Variants in RIT2 observed in about 807,000 individuals in gnomAD.
The protein encoded by RIT2 is GTP-binding protein Rit2.
A neutral mutation model predicts 23.7 loss-of-function variants in RIT2; 24 were observed. The observed-to-expected ratio is 1.01, with a 90% CI of 0.73 to 1.43. The LOEUF (loss-of-function observed/expected upper bound fraction) is 1.43. Among genes scored for constraint, RIT2 ranks in the 40% most tolerant of loss-of-function variants. RIT2 has a pLI of 0.00. For synonymous variants in RIT2, 107 were observed against 91.1 expected (o/e 1.17, Z -0.99); for missense variants, 236 against 266.9 (o/e 0.88, Z 0.81).
rs201592243 is a variant in RIT2 at position 42,923,662 on chromosome 18, C to T, written c.336G>A (p.Lys112=). The T allele has an allele frequency of 6.2e-7, 1 of 1,613,324 alleles. No homozygotes were observed. Among genetic ancestry groups the T allele is most frequent in the African/African-American group, 1.3e-5 (1 of 74,862 alleles). The change falls in exon 4 of 5, where the codon AAG becomes AAA. Residue 112 remains lysine, a synonymous_variant. Transcript: ENST00000326695. ...GGACCTGAAAAATGAGCTCTTTAAA[C>T]TTGGCAGCCTCCTGAAATGATTGAC... ...TDRQSFQEAA[K]FKELIFQVRH...
At chr18:42,882,227 G>A (rs1378729922) in intron 4 of RIT2, among the ~76,000 whole-genome samples, 1 of 152,172 alleles carries the variant, frequency 6.6e-6, no homozygotes, top group African/African-American at 2.4e-5. Context: ...TATCAAATTA[G>A]AGTCAGTGCT....
At chr18:42,889,166 G>A (rs1908106437) in intron 4 of RIT2, among the ~76,000 whole-genome samples, 2 of 151,842 alleles carry the variant, frequency 1.3e-5, no homozygotes, top group Admixed American at 1.3e-4. Flanking sequence ...ATATAAATAA[G>A]TTAACATATA....
At chr18:43,012,745 CT>C (rs5824465) in intron 2 of RIT2, among the ~76,000 whole-genome samples, 144,726 of 151,604 alleles carry the variant, frequency 0.95, 69,430 homozygotes, top group East Asian at 1. Context: ...TTTATAAAGT[CT>C]TGCACATATA....
intron 4 of RIT2, among the ~76,000 whole-genome samples, chr18:42,858,816 T>C (rs141580202): frequency 5.9e-5 from 9 of 152,220 alleles, no homozygotes; most frequent in African/African-American, 7.2e-5. Context: ...ATGTGGTCTT[T>C]TATGTCTGTA....
At chr18:42,907,988 C>A (rs1199942016) in intron 4 of RIT2, among the ~76,000 whole-genome samples, 5 of 150,610 alleles carry the variant, frequency 3.3e-5, no homozygotes, top group African/African-American at 9.8e-5. Context: ...ATTAAGGCAA[C>A]CATCATAAAA....
At chr18:42,871,725 G>C (rs1025666539) in intron 4 of RIT2, among the ~76,000 whole-genome samples, 4 of 152,208 alleles carry the variant, frequency 2.6e-5, no homozygotes, top group Non-Finnish European at 5.9e-5. Flanking sequence ...AAGGGTAGAA[G>C]CTGCCTTGGC....
intron 4 of RIT2, among the ~76,000 whole-genome samples, chr18:42,866,435 G>A (rs1009503184): frequency 5.3e-5 from 8 of 151,956 alleles, no homozygotes; most frequent in African/African-American, 1.9e-4. Context: ...CCTTCTTGCA[G>A]TCTCTTAATT....
intron 2 of RIT2, among the ~76,000 whole-genome samples, chr18:43,029,518 G>A (rs1052820602): frequency 2.0e-5 from 3 of 151,948 alleles, no homozygotes; most frequent in African/African-American, 7.2e-5. Context: ...TAACTAAATT[G>A]TGTTCTGTAT....
chr18:42,751,038 C>A (rs1295713424), intron 4 of RIT2, among the ~76,000 whole-genome samples: 5 of 151,792 alleles, frequency 3.3e-5, no homozygotes, highest in Admixed American at 3.3e-4. Context: ...AAGGCTTAGA[C>A]AAATAATCTT....
At chr18:43,026,598 A>AAG (rs1911729970) in intron 2 of RIT2, among the ~76,000 whole-genome samples, 1 of 147,980 alleles carries the variant, frequency 6.8e-6, no homozygotes, top group Non-Finnish European at 1.5e-5. Context: ...GAAAGAAAGA[A>AAG]AGAAAGAAAG....
intron 1 of RIT2, among the ~76,000 whole-genome samples, chr18:43,073,552 G>A (rs1365381187): frequency 1.3e-5 from 2 of 151,966 alleles, no homozygotes; most frequent in South Asian, 2.1e-4. Flanking sequence ...TAAGGCCCTC[G>A]TCCAAAGATA....
intron 4 of RIT2, among the ~76,000 whole-genome samples, chr18:42,763,182 G>T (rs1350903939): frequency 6.6e-6 from 1 of 152,204 alleles, no homozygotes; most frequent in East Asian, 1.9e-4. Flanking sequence ...TGGTACACCG[G>T]CTGGGTGCTG....
At chr18:42,998,729 G>T (rs1007368498) in intron 2 of RIT2, among the ~76,000 whole-genome samples, 4 of 151,948 alleles carry the variant, frequency 2.6e-5, no homozygotes, top group Non-Finnish European at 4.4e-5. Context: ...AGCCAGACTG[G>T]GCTCCCAATT....
At chr18:42,940,769 T>A (rs1186145069) in intron 3 of RIT2, among the ~76,000 whole-genome samples, 3 of 152,170 alleles carry the variant, frequency 2.0e-5, no homozygotes, top group Non-Finnish European at 4.4e-5. Flanking sequence ...TTTTGATCAA[T>A]GTCACACAGT....
At chr18:43,100,150 G>A (rs1913648264) in intron 1 of RIT2, among the ~76,000 whole-genome samples, 1 of 152,094 alleles carries the variant, frequency 6.6e-6, no homozygotes, top group Non-Finnish European at 1.5e-5. Flanking sequence ...TTTGGATGTG[G>A]TAGAAAGGTG....
intron 4 of RIT2, among the ~76,000 whole-genome samples, chr18:42,797,705 A>C (rs973132000): frequency 6.6e-6 from 1 of 152,146 alleles, no homozygotes; most frequent in Non-Finnish European, 1.5e-5. Flanking sequence ...TTTCCTCATT[A>C]GCCGAGTTCG....
chr18:43,072,037 G>T (rs1363698301), intron 1 of RIT2, among the ~76,000 whole-genome samples: 1 of 152,040 alleles, frequency 6.6e-6, no homozygotes, highest in African/African-American at 2.4e-5. Context: ...CCAGGCTGAA[G>T]TACAGTGGTG....
chr18:43,078,888 C>G (rs1913088393), intron 1 of RIT2, among the ~76,000 whole-genome samples: 1 of 152,072 alleles, frequency 6.6e-6, no homozygotes, highest in Admixed American at 6.6e-5. Flanking sequence ...AGTATACATC[C>G]CAGAGGAGCG....
rs185417693 is a variant in RIT2, at chr18:42,895,772, T to A, written c.426+27800A>T. On this transcript the variant is annotated intron_variant, in intron 4 of 4. Coordinates refer to ENST00000326695, the MANE Select transcript of RIT2 (RefSeq NM_002930.4). The stretch of plus-strand genomic sequence containing the variant: ...TGCAAAATCTGACATCTCTATTAAC[T>A]GGCATAAAGGGATCTCTCAGTCACA... 5.9e-5 allele frequency among the ~76,000 whole-genome samples: 9 copies of A among 152,300 alleles called. No homozygotes were observed. In the East Asian group the frequency reaches 1.7e-3, roughly 29 times the overall value.
Sources: gnomAD v4.1 joint callset for allele counts (sites outside exome capture counted in the v4.1 genomes callset) on GRCh38, gnomAD v4.1.1 for gene constraint, MANE v1.5 for transcripts, NCBI Gene and HGNC (gene_info 2026-07-23, HGNC 2026-07-21) for gene names.